The following FSTL5 variants were observed in gnomAD, a reference collection of about 807,000 sequenced individuals.
The protein encoded by FSTL5 is follistatin like 5, also known as follistatin-related protein 5.
In FSTL5, 62 loss-of-function variants were observed where a neutral mutation model predicts 89.1. The ratio of observed to expected loss-of-function variants is 0.70; its 90% confidence interval spans 0.57 to 0.86. FSTL5 has a LOEUF of 0.86. Ranked by LOEUF, FSTL5 falls within the 40% of genes least tolerant of loss-of-function variation. The pLI, the probability that FSTL5 is intolerant of heterozygous loss-of-function variation, is 0.00. For missense variants in FSTL5, 1,057 were observed against 1,001.6 expected, an observed-to-expected ratio of 1.06 and a Z score of -0.75; for synonymous variants, 383 against 346.2, an observed-to-expected ratio of 1.11 and a Z score of -1.18.
intron 4 of FSTL5, among the ~76,000 whole-genome samples, chr4:161,910,948 C>T (rs1733673139): frequency 6.6e-6 from 1 of 152,034 alleles, no homozygotes; most frequent in Non-Finnish European, 1.5e-5. Flanking sequence ...TTTTCCTGAT[C>T]TGTCACCTGA....
At chr4:161,669,990 G>A (rs910752123) in intron 6 of FSTL5, among the ~76,000 whole-genome samples, 7 of 151,836 alleles carry the variant, frequency 4.6e-5, no homozygotes, top group Non-Finnish European at 8.8e-5. Flanking sequence ...GTTAAAAAAC[G>A]TCAGGTATTT....
chr4:161,597,902 G>A (rs1298706834), intron 7 of FSTL5, among the ~76,000 whole-genome samples: 2 of 152,006 alleles, frequency 1.3e-5, no homozygotes, highest in African/African-American at 4.8e-5. Flanking sequence ...ATCACAAAAA[G>A]ATCACAAATA....
At chr4:161,404,670 A>T (rs1731295618) in intron 15 of FSTL5, among the ~76,000 whole-genome samples, 2 of 151,926 alleles carry the variant, frequency 1.3e-5, no homozygotes, top group South Asian at 4.1e-4. Flanking sequence ...CGTAACAATA[A>T]AAAAAAATTT....
At chr4:161,588,797 C>T (rs988595465) in intron 7 of FSTL5, among the ~76,000 whole-genome samples, 1 of 152,126 alleles carries the variant, frequency 6.6e-6, no homozygotes, top group African/African-American at 2.4e-5. Context: ...AAAACTATGC[C>T]AGCTATGAAA....
rs3210497 is a variant in FSTL5 at position 161,385,377 on chromosome 4, A to T, written c.*370T>A. On this transcript the variant is annotated 3_prime_UTR_variant, in exon 16 of 16. Coordinates refer to ENST00000306100, the MANE Select transcript of FSTL5 (RefSeq NM_020116.5). Reference sequence around the variant, plus strand: ...TTTATTTCTTGTTTAATCATACCAAAAGGACAGAGAAAAAAAATAAACTAC... The same window carrying T: ...TTTATTTCTTGTTTAATCATACCAATAGGACAGAGAAAAAAAATAAACTAC... 19,210 of 175,210 alleles carry T rather than the reference A, an allele frequency of 0.11. 1,128 individuals carry two copies. Among genetic ancestry groups the T allele is most frequent in the Admixed American group, 0.12 (2,208 of 17,892 alleles). 10.9% of individuals were successfully genotyped at this position (175,210 alleles called of 1,614,324 possible).
At chr4:162,045,569 T>C (rs1738139287) in intron 2 of FSTL5, among the ~76,000 whole-genome samples, 1 of 152,056 alleles carries the variant, frequency 6.6e-6, no homozygotes, top group Non-Finnish European at 1.5e-5. Flanking sequence ...GATATAATAA[T>C]AATGAAAAAG....
intron 3 of FSTL5, among the ~76,000 whole-genome samples, chr4:161,943,121 T>C (rs1311123394): frequency 1.3e-5 from 2 of 151,924 alleles, no homozygotes; most frequent in East Asian, 3.9e-4. Context: ...TAAATTTAAA[T>C]GAGAAGGTAC....
chr4:161,883,090 T>C (rs1357424258), intron 4 of FSTL5, among the ~76,000 whole-genome samples: 2 of 152,174 alleles, frequency 1.3e-5, no homozygotes, highest in Non-Finnish European at 2.9e-5. Flanking sequence ...TTGGAAACCA[T>C]ATAGTATTCT....
chr4:161,686,858 A>T (rs1737765231), intron 6 of FSTL5, among the ~76,000 whole-genome samples: 2 of 152,290 alleles, frequency 1.3e-5, no homozygotes, highest in African/African-American at 4.8e-5. Flanking sequence ...GAATATGTGA[A>T]ACAAATTTTG....
intron 2 of FSTL5, among the ~76,000 whole-genome samples, chr4:162,080,982 C>G (rs1002042682): frequency 1.3e-5 from 2 of 151,566 alleles, no homozygotes; most frequent in African/African-American, 2.4e-5. Flanking sequence ...AAATTATTCT[C>G]TAAGGATTTA....
At chr4:161,733,623 T>C (rs1739691511) in intron 6 of FSTL5, among the ~76,000 whole-genome samples, 1 of 152,048 alleles carries the variant, frequency 6.6e-6, no homozygotes, top group Non-Finnish European at 1.5e-5. Flanking sequence ...AGTATACTGA[T>C]TGCTAAAGTC....
intron 10 of FSTL5, among the ~76,000 whole-genome samples, chr4:161,526,431 AT>A (rs1731221538): frequency 6.6e-6 from 1 of 152,170 alleles, no homozygotes; most frequent in African/African-American, 2.4e-5. Context: ...CAGTACATCA[AT>A]TTAGGGGAAA....
chr4:161,590,843 C>T (rs1484256299), intron 7 of FSTL5, among the ~76,000 whole-genome samples: 14 of 152,128 alleles, frequency 9.2e-5, no homozygotes, highest in Admixed American at 5.9e-4. Context: ...GGCCACTCCT[C>T]AAAAAGCTAA....
At chr4:161,966,011 G>A (rs903560446) in intron 3 of FSTL5, among the ~76,000 whole-genome samples, 2 of 152,044 alleles carry the variant, frequency 1.3e-5, no homozygotes, top group Admixed American at 1.3e-4. Flanking sequence ...GTATGAATAT[G>A]TGTATAAATT....
chr4:161,611,293 G>A (rs2126635712), intron 7 of FSTL5, among the ~76,000 whole-genome samples: 1 of 142,410 alleles, frequency 7.0e-6, no homozygotes, highest in East Asian at 2.1e-4. Flanking sequence ...AGTAGATTAT[G>A]TCATTTATTA....
At chr4:161,494,983 GC>G (rs1391419505) in intron 12 of FSTL5, among the ~76,000 whole-genome samples, 1 of 152,030 alleles carries the variant, frequency 6.6e-6, no homozygotes, top group Non-Finnish European at 1.5e-5. Flanking sequence ...GATCACTTGA[GC>G]CCAGGAACTT....
chr4:162,155,244 G>C (rs1187049229), intron 1 of FSTL5, among the ~76,000 whole-genome samples: 2 of 152,194 alleles, frequency 1.3e-5, no homozygotes, highest in African/African-American at 2.4e-5. Context: ...GACTGGATAA[G>C]TGAGCCTTTA....
At chr4:161,659,488 T>G (rs760970377) in intron 6 of FSTL5, among the ~76,000 whole-genome samples, 21 of 152,180 alleles carry the variant, frequency 1.4e-4, no homozygotes, top group South Asian at 4.1e-4. Flanking sequence ...AGCACAGATT[T>G]AATATTGCAA....
intron 4 of FSTL5, among the ~76,000 whole-genome samples, chr4:161,866,103 G>A (rs1732078524): frequency 6.6e-6 from 1 of 152,178 alleles, no homozygotes; most frequent in Admixed American, 6.5e-5. Flanking sequence ...GGTATTTTAG[G>A]AGTTGTTATT....
Sources: gnomAD v4.1 joint callset for allele counts (sites outside exome capture counted in the v4.1 genomes callset) on GRCh38, gnomAD v4.1.1 for gene constraint, MANE v1.5 for transcripts, NCBI Gene and HGNC (gene_info 2026-07-23, HGNC 2026-07-21) for gene names.